The following FAXC variants were observed in gnomAD, a reference collection of about 807,000 sequenced individuals.
FAXC encodes failed axon connections homolog.
A neutral mutation model predicts 41.9 loss-of-function variants in FAXC; 10 were observed. That is an observed-to-expected ratio of 0.24 (90% CI 0.15 to 0.41). The LOEUF is 0.41. Ranked by LOEUF, FAXC falls within the 10% of genes least tolerant of loss-of-function variation. FAXC has a pLI of 1.00. For missense variants in FAXC, 399 were observed against 510.9 expected, an observed-to-expected ratio of 0.78 and a Z score of 2.11; for synonymous variants, 183 against 183.8, an observed-to-expected ratio of 1.00 and a Z score of 0.03.
chr6:99,323,130 C>A (rs1461198212), intron 4 of FAXC, among the ~76,000 whole-genome samples: 3 of 152,166 alleles, frequency 2.0e-5, no homozygotes, highest in African/African-American at 7.2e-5. Flanking sequence ...CTTCCTTGCT[C>A]AAAATCCCTG....
chr6:99,307,543 T>C (rs1377483099), intron 4 of FAXC, among the ~76,000 whole-genome samples: 1 of 152,066 alleles, frequency 6.6e-6, no homozygotes, highest in African/African-American at 2.4e-5. Context: ...TAATCCACTG[T>C]GGCAGCAGTG....
At chr6:99,323,366 T>C in intron 4 of FAXC, 78 bp downstream of exon 4, 2 of 1,264,726 alleles carry the variant, frequency 1.6e-6, no homozygotes, top group East Asian at 2.5e-5. Flanking sequence ...AAACATAAAT[T>C]AGTGAACCAA....
intron 4 of FAXC, among the ~76,000 whole-genome samples, chr6:99,313,185 C>T (rs536309650): frequency 6.6e-6 from 1 of 152,246 alleles, no homozygotes; most frequent in African/African-American, 2.4e-5. Context: ...CCCAGCTCCT[C>T]GGGACGATGA....
At chr6:99,321,878 T>G (rs755152762) in intron 4 of FAXC, among the ~76,000 whole-genome samples, 2 of 152,244 alleles carry the variant, frequency 1.3e-5, no homozygotes, top group African/African-American at 4.8e-5. Flanking sequence ...GTGGTGCTTA[T>G]AGCATAATTT....
At position 99,349,222 on chromosome 6, in the gene FAXC, C is replaced by A. The variant is rs1353848511; in HGVS notation, c.151G>T (p.Gly51Cys). The change falls in exon 1 of 6, where the codon GGT becomes TGT. Residue 51 changes from glycine (G) to cysteine (C), a missense_variant. Physicochemically the swap from Gly to Cys is radical, Grantham distance 159. Around this residue, in one of 3 missense-constraint regions of FAXC, gnomAD observed 68 missense variants for 63.4 expected, o/e 1.07. Transcript: ENST00000389677. Reference protein sequence around the residue: ...DIIAFPLQDYGGIMAGLGSDP... With the variant: ...DIIAFPLQDYCGIMAGLGSDP... ...GAGCCCAGCCCTGCCATGATCCCACCGTAATCCTGCAAAGGGAAAGCGATG... is the reference window on the plus strand; with the variant it reads ...GAGCCCAGCCCTGCCATGATCCCACAGTAATCCTGCAAAGGGAAAGCGATG... 2.5e-6 allele frequency: 4 copies of A among 1,613,852 alleles called. No homozygotes were observed. Among genetic ancestry groups the A allele is most frequent in the African/African-American group, 1.3e-5 (1 of 74,948 alleles).
At chr6:99,284,690 A>T (rs1182263580) in intron 5 of FAXC, among the ~76,000 whole-genome samples, 1 of 151,962 alleles carries the variant, frequency 6.6e-6, no homozygotes, top group Non-Finnish European at 1.5e-5. Flanking sequence ...AAGTGGGCGG[A>T]TCACCTGAGG....
chr6:99,340,988 A>C (rs1773406963), intron 2 of FAXC, among the ~76,000 whole-genome samples: 1 of 152,104 alleles, frequency 6.6e-6, no homozygotes, highest in Non-Finnish European at 1.5e-5. Context: ...CAGAATTAAA[A>C]TCTTAGACAA....
intron 4 of FAXC, among the ~76,000 whole-genome samples, chr6:99,307,694 C>T (rs1562164419): frequency 6.6e-6 from 1 of 152,124 alleles, no homozygotes; most frequent in Non-Finnish European, 1.5e-5. Flanking sequence ...TAGGAGAGGG[C>T]GGTTTAATGG....
chr6:99,333,887 T>C (rs1426682447), intron 2 of FAXC, among the ~76,000 whole-genome samples: 1 of 152,076 alleles, frequency 6.6e-6, no homozygotes, highest in Non-Finnish European at 1.5e-5. Context: ...GTCAGTCTAG[T>C]TTTAATGTAC....
At position 99,333,112 on chromosome 6, in the gene FAXC, C is replaced by T. The variant is rs186366322; in HGVS notation, c.599+239G>A. On this transcript the variant is annotated intron_variant, in intron 3 of 5. Coordinates refer to ENST00000389677, the MANE Select transcript of FAXC (RefSeq NM_032511.4). Reference sequence around the variant, plus strand: ...CAGAGTTGACTAGTTGCAAAAGAGACGTACAGCCAGCAAAGCCTAAAATAT... The same window carrying T: ...CAGAGTTGACTAGTTGCAAAAGAGATGTACAGCCAGCAAAGCCTAAAATAT... Among the ~76,000 whole-genome samples, 28 of 152,332 alleles carry T rather than the reference C, an allele frequency of 1.8e-4. No individual in the cohort carries two copies. In the East Asian group the frequency reaches 3.7e-3, roughly 20 times the overall value.
At chr6:99,325,711 T>C (rs899332333) in intron 3 of FAXC, among the ~76,000 whole-genome samples, 1 of 152,230 alleles carries the variant, frequency 6.6e-6, no homozygotes, top group Non-Finnish European at 1.5e-5. Context: ...TGACTCTAAT[T>C]GTATTAGGTC....
intron 4 of FAXC, among the ~76,000 whole-genome samples, chr6:99,322,815 G>GC (rs986257050): frequency 6.6e-6 from 1 of 152,144 alleles, no homozygotes; most frequent in African/African-American, 2.4e-5. Flanking sequence ...ATCCTCACCA[G>GC]CCCGCGGGTA....
intron 4 of FAXC, among the ~76,000 whole-genome samples, chr6:99,300,057 T>C (rs986979873): frequency 1.3e-5 from 2 of 152,150 alleles, no homozygotes; most frequent in African/African-American, 2.4e-5. Context: ...AAAATTTATC[T>C]CTTTCCGGCT....
At chr6:99,342,227 G>A (rs1336445200) in intron 2 of FAXC, among the ~76,000 whole-genome samples, 2 of 152,266 alleles carry the variant, frequency 1.3e-5, no homozygotes, top group South Asian at 2.1e-4. Flanking sequence ...AGATTCATGA[G>A]GGACAAAATA....
Position 99,349,100 on chromosome 6 carries a change from G to C in FAXC, c.266+7C>G. Reference sequence around the variant, plus strand: ...CGCCCCTGTGCGGGGCCCTCTCTCCGGCTCACCTAATGACCAGGAGTTCGT... The same window carrying C: ...CGCCCCTGTGCGGGGCCCTCTCTCCCGCTCACCTAATGACCAGGAGTTCGT... On this transcript the variant is annotated splice_region_variant and intron_variant, in intron 1 of 5. Coordinates refer to ENST00000389677, the MANE Select transcript of FAXC (RefSeq NM_032511.4). The C allele has an allele frequency of 6.2e-7, 1 of 1,612,900 alleles. No homozygotes were observed. Among genetic ancestry groups the C allele is most frequent in the Admixed American group, 1.7e-5 (1 of 60,016 alleles).
intron 3 of FAXC, among the ~76,000 whole-genome samples, chr6:99,327,530 A>T (rs1772858639): frequency 6.6e-6 from 1 of 152,048 alleles, no homozygotes; most frequent in Non-Finnish European, 1.5e-5. Context: ...CCCTTAGCTT[A>T]CACCTCTACT....
intron 4 of FAXC, among the ~76,000 whole-genome samples, chr6:99,311,655 A>G (rs1466300669): frequency 6.6e-6 from 1 of 152,214 alleles, no homozygotes; most frequent in Non-Finnish European, 1.5e-5. Context: ...TCCCATTTCT[A>G]AACATCTCAC....
Position 99,276,366 on chromosome 6 carries a change from T to C in FAXC, c.*4798A>G, listed in dbSNP as rs1356648702. The C allele has an allele frequency of 1.3e-5, 2 of 152,148 alleles. No individual in the cohort carries two copies. The highest frequency in any genetic ancestry group is 4.8e-5 in the African/African-American group (2 of 41,420). 9.4% of individuals were successfully genotyped at this position (152,148 alleles called of 1,614,324 possible). ...CCTTCAGCCCAGGCTGGTTGCCCTA[T>C]CCATGCAGAAGCGGTGGGTTTCAGG... On this transcript the variant is annotated 3_prime_UTR_variant, in exon 6 of 6. Coordinates refer to ENST00000389677, the MANE Select transcript of FAXC (RefSeq NM_032511.4).
At chr6:99,296,109 A>T (rs1288443315) in intron 4 of FAXC, among the ~76,000 whole-genome samples, 1 of 152,172 alleles carries the variant, frequency 6.6e-6, no homozygotes, top group African/African-American at 2.4e-5. Context: ...TACTCTCATT[A>T]TTTTGTTGCT....
Sources: allele counts gnomAD v4.1 joint callset (sites outside exome capture counted in the v4.1 genomes callset), GRCh38; gene constraint gnomAD v4.1.1; regional missense constraint gnomAD v4.1.1; transcripts MANE v1.5; gene names NCBI Gene and HGNC (gene_info 2026-07-23, HGNC 2026-07-21).